ACYP2: variants seen among roughly 807,000 people sequenced by gnomAD.
ACYP2 encodes acylphosphatase 2, also known as acylphosphatase-2.
In ACYP2, 12 loss-of-function variants were observed where a neutral mutation model predicts 11.2. That is an observed-to-expected ratio of 1.08 (90% CI 0.69 to 1.74). The LOEUF (loss-of-function observed/expected upper bound fraction) is 1.74, where lower values mean the gene tolerates loss of function less well. Ranked by LOEUF, ACYP2 falls within the 40% of genes most tolerant of loss-of-function variation. The probability of loss-of-function intolerance (pLI) is 0.00; values close to 1 mark genes in which losing one functional copy is unlikely to be tolerated. For synonymous variants in ACYP2, 43 were observed against 32.2 expected, an observed-to-expected ratio of 1.33 and a Z score of -1.13; for missense variants, 134 against 101.9, an observed-to-expected ratio of 1.31 and a Z score of -1.35.
chr2:54,010,466 A>G (rs956861959), intron 2 of ACYP2, among the ~76,000 whole-genome samples: 3 of 144,740 alleles, frequency 2.1e-5, no homozygotes, highest in Non-Finnish European at 4.5e-5. Context: ...TCTGGGCAAC[A>G]AGAGTTAAAC....
At chr2:54,147,993 T>C (rs1383675273) in intron 6 of ACYP2, among the ~76,000 whole-genome samples, 1 of 152,190 alleles carries the variant, frequency 6.6e-6, no homozygotes, top group African/African-American at 2.4e-5. Flanking sequence ...AGATGGTTAC[T>C]GGCCTTAGTT....
chr2:54,156,057 T>C (rs1291479956), intron 6 of ACYP2, among the ~76,000 whole-genome samples: 1 of 152,192 alleles, frequency 6.6e-6, no homozygotes, highest in Non-Finnish European at 1.5e-5. Context: ...CAGGCACTGT[T>C]TTTGGTACCT....
intron 2 of ACYP2, among the ~76,000 whole-genome samples, chr2:54,044,379 G>C (rs1172228745): frequency 6.6e-6 from 1 of 151,958 alleles, no homozygotes; most frequent in African/African-American, 2.4e-5. Flanking sequence ...TAGATCACTT[G>C]GGACGAGGAG....
At chr2:54,136,826 A>G (rs557504450) in intron 5 of ACYP2, among the ~76,000 whole-genome samples, 1 of 152,142 alleles carries the variant, frequency 6.6e-6, no homozygotes, top group Non-Finnish European at 1.5e-5. Context: ...AAATACAAAA[A>G]TTAGCTGGGC....
intron 2 of ACYP2, among the ~76,000 whole-genome samples, chr2:54,002,506 C>T (rs898669240): frequency 8.6e-5 from 13 of 151,010 alleles, no homozygotes; most frequent in Non-Finnish European, 2.9e-5. Context: ...CCACCATGCC[C>T]GGCTAATTTT....
chr2:54,155,271 T>C (rs1273663447), intron 6 of ACYP2, among the ~76,000 whole-genome samples: 1 of 152,232 alleles, frequency 6.6e-6, no homozygotes, highest in Non-Finnish European at 1.5e-5. Context: ...TTTTCTTCTA[T>C]TGTTTTTCTA....
At chr2:54,001,433 G>T (rs13429520) in intron 2 of ACYP2, among the ~76,000 whole-genome samples, 1,871 of 152,002 alleles carry the variant, frequency 0.012, 36 homozygotes, top group African/African-American at 0.043. Flanking sequence ...TGCTCTTGTC[G>T]CCCAGGTTGA....
chr2:54,006,304 C>G (rs1186327830), intron 2 of ACYP2, among the ~76,000 whole-genome samples: 1 of 152,106 alleles, frequency 6.6e-6, no homozygotes, highest in African/African-American at 2.4e-5. Context: ...CCTGCTACCA[C>G]GCCCGGCTAA....
At chr2:54,230,147 G>A (rs1249725422) in intron 6 of ACYP2, among the ~76,000 whole-genome samples, 1 of 152,144 alleles carries the variant, frequency 6.6e-6, no homozygotes, top group Non-Finnish European at 1.5e-5. Flanking sequence ...TTTCTTGTGG[G>A]AAAAATCCAC....
intron 6 of ACYP2, among the ~76,000 whole-genome samples, chr2:54,148,517 C>T (rs1443291763): frequency 6.6e-6 from 1 of 152,080 alleles, no homozygotes; most frequent in African/African-American, 2.4e-5. Context: ...CCACTTTGTA[C>T]ATGTTGTCTC....
At chr2:54,304,149 T>A (rs908190625) in intron 6 of ACYP2, among the ~76,000 whole-genome samples, 10 of 152,162 alleles carry the variant, frequency 6.6e-5, no homozygotes, top group African/African-American at 2.4e-4. Context: ...GCATTTTTTC[T>A]TAATATTTTT....
chr2:54,161,582 A>T lies in ACYP2; in HGVS notation c.404+22834A>T, dbSNP rs115552254. On this transcript the variant is annotated intron_variant, in intron 6 of 6. Transcript: ENST00000607452. ...TTAAAAACTTTTGTGGCTACATAGT[A>T]GGTATACATGTTCTATCCTAACTTT... is the stretch of plus-strand genomic sequence containing the variant. Among the ~76,000 whole-genome samples the T allele has an allele frequency of 4.8e-3, 730 of 152,356 alleles. 3 individuals are homozygous for T. The highest frequency in any genetic ancestry group is 8.4e-3 in the Admixed American group (128 of 15,304).
chr2:54,068,978 G>C (rs1030666554), intron 4 of ACYP2, among the ~76,000 whole-genome samples: 3 of 151,946 alleles, frequency 2.0e-5, no homozygotes, highest in Non-Finnish European at 4.4e-5. Context: ...CCCGGCTGGA[G>C]TGCAGTGGTG....
chr2:54,102,577 C>G (rs576082277), intron 4 of ACYP2, among the ~76,000 whole-genome samples: 64 of 128,854 alleles, frequency 5.0e-4, no homozygotes, highest in African/African-American at 1.8e-3. Flanking sequence ...TGATTTAATC[C>G]TACATTAATC....
chr2:54,216,526 T>G (rs1685565878), intron 6 of ACYP2, among the ~76,000 whole-genome samples: 1 of 119,554 alleles, frequency 8.4e-6, no homozygotes, highest in South Asian at 3.2e-4. Flanking sequence ...TTTTTTTAAC[T>G]CCTAATCACG....
intron 6 of ACYP2, chr2:54,267,256 T>A (rs1573020175): frequency 6.5e-7 from 1 of 1,542,696 alleles, no homozygotes; most frequent in Non-Finnish European, 8.7e-7. Context: ...AACATTATTA[T>A]GTCTGAAAGG....
chr2:54,227,021 G>A (rs1446910039), intron 6 of ACYP2, among the ~76,000 whole-genome samples: 3 of 152,150 alleles, frequency 2.0e-5, no homozygotes, highest in Non-Finnish European at 4.4e-5. Flanking sequence ...TGTTATTTTG[G>A]TGAAGGTGCA....
Position 54,228,306 on chromosome 2 carries a change from T to A in ACYP2, c.405-76382T>A, listed in dbSNP as rs565023498. Among the ~76,000 whole-genome samples the A allele has an allele frequency of 2.1e-4, 32 of 152,314 alleles. 1 individual carries two copies. The highest frequency in any genetic ancestry group is 1.4e-3 in the Admixed American group (21 of 15,296). On this transcript the variant is annotated intron_variant, in intron 6 of 6. Coordinates refer to ENST00000607452, the MANE Select transcript of ACYP2 (RefSeq NM_001320586.2). ...TCTGTAATTCTGTAAGTGGATATATTGGAACCATAACAACAGCAACAGCTA... is the reference window on the plus strand; with the variant it reads ...TCTGTAATTCTGTAAGTGGATATATAGGAACCATAACAACAGCAACAGCTA...
chr2:54,266,270 C>A (rs537361809), intron 6 of ACYP2, among the ~76,000 whole-genome samples: 1 of 152,154 alleles, frequency 6.6e-6, no homozygotes, highest in Admixed American at 6.5e-5. Context: ...CACCAACACA[C>A]TCAATCATTT....
Sources: allele counts gnomAD v4.1 joint callset (sites outside exome capture counted in the v4.1 genomes callset), GRCh38; gene constraint gnomAD v4.1.1; transcripts MANE v1.5; gene names NCBI Gene and HGNC (gene_info 2026-07-23, HGNC 2026-07-21).